The following TSPAN9 variants were observed in gnomAD, a reference collection of about 807,000 sequenced individuals.
The protein encoded by TSPAN9 is tetraspanin-9.
TSPAN9 carries 16 observed loss-of-function variants against 31.0 expected under a neutral mutation model. The observed-to-expected ratio is 0.52, with a 90% CI of 0.35 to 0.78. The LOEUF is 0.78. Among genes scored for constraint, TSPAN9 ranks in the 30% least tolerant of loss-of-function variants. The pLI, the probability that TSPAN9 is intolerant of heterozygous loss-of-function variation, is 0.01. For missense variants in TSPAN9, 272 were observed against 312.5 expected (o/e 0.87, Z 0.98); for synonymous variants, 145 against 121.6 (o/e 1.19, Z -1.27).
chr12:3,231,791 C>A (rs935928476), intron 3 of TSPAN9, among the ~76,000 whole-genome samples: 20 of 152,252 alleles, frequency 1.3e-4, no homozygotes, highest in Admixed American at 3.9e-4. Flanking sequence ...GCTGTCTGGC[C>A]TCCAGGATTC....
intron 3 of TSPAN9, among the ~76,000 whole-genome samples, chr12:3,236,657 G>A (rs2098393900): frequency 6.6e-6 from 1 of 152,166 alleles, no homozygotes; most frequent in Non-Finnish European, 1.5e-5. Context: ...AATGGAGGCG[G>A]GGGTAGAGAA....
At chr12:3,093,602 T>A (rs2153963500) in intron 2 of TSPAN9, among the ~76,000 whole-genome samples, 1 of 152,196 alleles carries the variant, frequency 6.6e-6, no homozygotes, top group Admixed American at 6.5e-5. Context: ...ATTAGAAGAG[T>A]GCCTGACACA....
intron 3 of TSPAN9, among the ~76,000 whole-genome samples, chr12:3,224,960 G>T (rs535490063): frequency 2.1e-4 from 32 of 152,330 alleles, no homozygotes; most frequent in African/African-American, 6.3e-4. Flanking sequence ...GGCAGCCAGA[G>T]CTTCAGAATT....
chr12:3,207,877 C>A (rs764831586), intron 3 of TSPAN9, among the ~76,000 whole-genome samples: 6 of 152,200 alleles, frequency 3.9e-5, no homozygotes, highest in Non-Finnish European at 2.9e-5. Context: ...TGGATGTTCG[C>A]ATCAGCCAGG....
In TSPAN9 at chr12:3,278,210, G is replaced by A. The variant is rs777302991; in HGVS notation, c.64-211G>A. 2.4e-4 allele frequency among the ~76,000 whole-genome samples: 36 copies of A among 152,202 alleles called. No individual in the cohort carries two copies. Among genetic ancestry groups the A allele is most frequent in the Non-Finnish European group, 2.9e-5 (2 of 68,040 alleles). Reference sequence around the variant, plus strand: ...ACTGGCACAGTCTCCGTTGTCACATGGGGAGACTGAGGCACAGAGAGGCTA... The same window carrying A: ...ACTGGCACAGTCTCCGTTGTCACATAGGGAGACTGAGGCACAGAGAGGCTA... On this transcript the variant is annotated intron_variant, in intron 3 of 8. Transcript: ENST00000011898.
intron 2 of TSPAN9, among the ~76,000 whole-genome samples, chr12:3,138,903 T>A (rs1199270354): frequency 6.6e-6 from 1 of 152,192 alleles, no homozygotes; most frequent in Non-Finnish European, 1.5e-5. Context: ...CTGGACCCTG[T>A]TCTCCGCCCC....
At chr12:3,260,673 G>A (rs1591710982) in intron 3 of TSPAN9, among the ~76,000 whole-genome samples, 1 of 152,344 alleles carries the variant, frequency 6.6e-6, no homozygotes, top group African/African-American at 2.4e-5. Context: ...AATATCTGCA[G>A]GGCAAAATGT....
intron 2 of TSPAN9, among the ~76,000 whole-genome samples, chr12:3,155,596 TAAAA>T (rs200148503): frequency 6.8e-6 from 1 of 147,106 alleles, no homozygotes; most frequent in African/African-American, 2.5e-5. Flanking sequence ...CCTGTCTCTT[TAAAA>T]AAAAAAAAAT....
intron 2 of TSPAN9, among the ~76,000 whole-genome samples, chr12:3,086,754 G>A (rs1018221336): frequency 6.6e-6 from 1 of 152,156 alleles, no homozygotes; most frequent in South Asian, 2.1e-4. Context: ...ACGTTTGTGC[G>A]AAATTTGAAA....
chr12:3,119,649 C>T (rs999768790), intron 2 of TSPAN9, among the ~76,000 whole-genome samples: 8 of 152,230 alleles, frequency 5.3e-5, no homozygotes, highest in African/African-American at 1.9e-4. Flanking sequence ...ACCCCCGCTC[C>T]TCTCCACTGA....
At chr12:3,278,285 C>T (rs571758503) in intron 3 of TSPAN9, 136 bp from the exon 4 acceptor site, 29 of 1,269,882 alleles carry the variant, frequency 2.3e-5, no homozygotes, top group African/African-American at 6.0e-5. Flanking sequence ...TGCAGCCCAA[C>T]GGTAGTCCCG....
In TSPAN9 at chr12:3,170,545, G is replaced by T; in HGVS notation, c.-17-30632G>T. 6.6e-6 allele frequency among the ~76,000 whole-genome samples: 1 copy of T among 151,850 alleles called. No homozygotes were observed. Among genetic ancestry groups the T allele is most frequent in the East Asian group, 1.9e-4 (1 of 5,174 alleles). ...ATTGTTGGAAACAAAATCTGATCTG[G>T]TGGATGTGCGTGGCGTAGATAAGAG... On this transcript the variant is annotated intron_variant, in intron 2 of 8. Transcript: ENST00000011898. The surrounding 1 kb of genome is among the most constrained non-coding windows in gnomAD (Gnocchi z 4.4).
chr12:3,211,680 T>C, intron 3 of TSPAN9: 1 of 1,561,310 alleles, frequency 6.4e-7, no homozygotes, highest in Non-Finnish European at 8.7e-7. Flanking sequence ...TGCTTCCTCC[T>C]GAAGGAACAT....
At chr12:3,224,480 C>A (rs2098386133) in intron 3 of TSPAN9, among the ~76,000 whole-genome samples, 1 of 152,254 alleles carries the variant, frequency 6.6e-6, no homozygotes, top group South Asian at 2.1e-4. Flanking sequence ...AGGAGCTTGG[C>A]TGGGAAATGC....
chr12:3,182,051 A>G (rs956948923), intron 2 of TSPAN9, among the ~76,000 whole-genome samples: 1 of 152,010 alleles, frequency 6.6e-6, no homozygotes, highest in Non-Finnish European at 1.5e-5. Context: ...CCCGTGTGTG[A>G]TGTAGGGTAG....
intron 2 of TSPAN9, among the ~76,000 whole-genome samples, chr12:3,182,658 A>G (rs2098359083): frequency 6.6e-6 from 1 of 152,176 alleles, no homozygotes; most frequent in Admixed American, 6.5e-5. Flanking sequence ...TCTGTCCGCA[A>G]AGAGAGACCT....
At position 3,170,830 on chromosome 12, in the gene TSPAN9, C is replaced by T. The variant is rs2098351373; in HGVS notation, c.-17-30347C>T. 1.3e-5 allele frequency among the ~76,000 whole-genome samples: 2 copies of T among 152,174 alleles called. No individual in the cohort carries two copies. The highest frequency in any genetic ancestry group is 6.5e-5 in the Admixed American group (1 of 15,282). Reference sequence around the variant, plus strand: ...CACCATCACCTCGTTTTCTGCCGGGCAGGGACTCCTGGGTTGGCGCTCTCT... The same window carrying T: ...CACCATCACCTCGTTTTCTGCCGGGTAGGGACTCCTGGGTTGGCGCTCTCT... On this transcript the variant is annotated intron_variant, in intron 2 of 8. Coordinates refer to ENST00000011898, the MANE Select transcript of TSPAN9 (RefSeq NM_006675.5). The surrounding 1 kb of genome is among the most constrained non-coding windows in gnomAD (Gnocchi z 4.4).
chr12:3,238,803 G>A (rs149606531), intron 3 of TSPAN9, among the ~76,000 whole-genome samples: 31 of 152,350 alleles, frequency 2.0e-4, no homozygotes, highest in African/African-American at 5.1e-4. Flanking sequence ...AGTGCTTGGC[G>A]TCTGTTGAAC....
chr12:3,218,797 G>A (rs549455380), intron 3 of TSPAN9, among the ~76,000 whole-genome samples: 3 of 152,122 alleles, frequency 2.0e-5, no homozygotes, highest in Non-Finnish European at 2.9e-5. Context: ...CTGGCTCTCC[G>A]CTGCCAATAA....
Sources: gnomAD v4.1 joint callset for allele counts (sites outside exome capture counted in the v4.1 genomes callset) on GRCh38, gnomAD v4.1.1 for gene constraint, Gnocchi (gnomAD v3.1) non-coding constraint, MANE v1.5 for transcripts, NCBI Gene and HGNC (gene_info 2026-07-23, HGNC 2026-07-21) for gene names.